Variants in IWS1 observed in about 807,000 individuals in gnomAD.
IWS1 encodes the protein interacts with SUPT6H, CTD assembly factor 1.
IWS1 carries 27 observed loss-of-function variants against 86.7 expected under a neutral mutation model. The observed-to-expected ratio is 0.31, with a 90% CI of 0.23 to 0.43. IWS1 has a LOEUF of 0.43. IWS1 is among the 20% of genes least tolerant of loss of function. IWS1 has a pLI of 1.00. For synonymous variants in IWS1, 313 were observed against 335.1 expected (o/e 0.93, Z 0.72); for missense variants, 827 against 1,000.8 (o/e 0.83, Z 2.34).
chr2:127,507,003 C>T (rs953534581), intron 2 of IWS1, among the ~76,000 whole-genome samples: 20 of 152,050 alleles, frequency 1.3e-4, no homozygotes, highest in African/African-American at 4.8e-4. Context: ...AAAGTATTTC[C>T]GTGTTTGAGT....
At position 127,489,777 on chromosome 2, in the gene IWS1, T is replaced by C; in HGVS notation, c.2159+55A>G. The C allele has an allele frequency of 1.0e-6, 1 of 972,248 alleles. No individual in the cohort carries two copies. Among genetic ancestry groups the C allele is most frequent in the Non-Finnish European group, 1.7e-6 (1 of 598,668 alleles). The allele number at this position is 972,248 out of a possible 1,614,324, so 60.2% of individuals were successfully genotyped here. On this transcript the variant is annotated intron_variant, in intron 11 of 13. Transcript: ENST00000295321. The surrounding 1 kb of genome is among the most constrained non-coding windows in gnomAD (Gnocchi z 4.8). Reference sequence around the variant, plus strand: ...GCTTCCTAATGATCTTACTTAAAACTGAGTTACTGCAACAATAACGTGTAT... The same window carrying C: ...GCTTCCTAATGATCTTACTTAAAACCGAGTTACTGCAACAATAACGTGTAT...
At chr2:127,506,805 GA>G in intron 2 of IWS1, 1 of 166,424 alleles carries the variant, frequency 6.0e-6, no homozygotes. Context: ...TAATTACTCT[GA>G]AAACATGCCC....
At chr2:127,487,554 C>T (rs979007931) in intron 12 of IWS1, among the ~76,000 whole-genome samples, 2 of 151,928 alleles carry the variant, frequency 1.3e-5, no homozygotes, top group Non-Finnish European at 2.9e-5. Context: ...TACAGTTTAC[C>T]CCATTTTTAA....
rs1165820998 is a variant in IWS1 at position 127,523,779 on chromosome 2, G to A, written c.47C>T (p.Ala16Val). The A allele has an allele frequency of 1.2e-6, 2 of 1,610,992 alleles. No individual in the cohort carries two copies. Among genetic ancestry groups the A allele is most frequent in the East Asian group, 2.2e-5 (1 of 44,824 alleles). Residue 16 changes from alanine to valine, a missense_variant, in exon 2 of 14, where the codon GCT becomes GTT. This residue lies in a region of IWS1 where 548 missense variants were observed against 560.2 expected (regional missense o/e 0.98). Coordinates refer to ENST00000295321, the MANE Select transcript of IWS1 (RefSeq NM_017969.3). ...YSGDQSDDGG[A>V]TPVQDERDSG... ...ATCCCGTTCATCCTGTACTGGGGTA[G>A]CACCACCATCATCTGATTAAAAACA...
At chr2:127,483,600 T>TGGGGGGGGGG (rs1558736829) in intron 13 of IWS1, among the ~76,000 whole-genome samples, 5 of 5,878 alleles carry the variant, frequency 8.5e-4, no homozygotes, top group African/African-American at 1.2e-3. Flanking sequence ...GTGGGGGGGT[T>TGGGGGGGGGG]GGGCTGTGTG....
chr2:127,515,212 A>T (rs1273325208), intron 2 of IWS1, among the ~76,000 whole-genome samples: 3 of 152,202 alleles, frequency 2.0e-5, no homozygotes. Context: ...CCAAGGGGTT[A>T]GTGGGAAATT....
intron 2 of IWS1, among the ~76,000 whole-genome samples, chr2:127,512,120 T>C (rs892367963): frequency 6.6e-6 from 1 of 152,232 alleles, no homozygotes; most frequent in Non-Finnish European, 1.5e-5. Context: ...ACTCCATTTT[T>C]TCCTGTGGGA....
chr2:127,525,404 T>C (rs1692346477), intron 1 of IWS1, among the ~76,000 whole-genome samples: 1 of 152,260 alleles, frequency 6.6e-6, no homozygotes, highest in Admixed American at 6.5e-5. Flanking sequence ...AGTTTTCTTT[T>C]TAATTTTCAA....
At chr2:127,514,250 T>C (rs1691639420) in intron 2 of IWS1, 1 of 154,300 alleles carries the variant, frequency 6.5e-6, no homozygotes, top group Non-Finnish European at 1.5e-5. Flanking sequence ...CGTCACTCAA[T>C]AAAACTCTTC....
intron 5 of IWS1, among the ~76,000 whole-genome samples, chr2:127,500,264 CAA>C (rs1358054595): frequency 6.6e-6 from 1 of 152,064 alleles, no homozygotes; most frequent in African/African-American, 2.4e-5. Context: ...TCGTAATTGC[CAA>C]AGAGGATTAT....
chr2:127,502,954 T>C, intron 4 of IWS1, 82 bp from the exon 5 acceptor site: 1 of 798,886 alleles, frequency 1.3e-6, no homozygotes, highest in Admixed American at 2.0e-5. Flanking sequence ...ATAGAATTTA[T>C]GTACAGTAAA....
At position 127,525,086 on chromosome 2, in the gene IWS1, G is replaced by T. The variant is rs187389492; in HGVS notation, c.34+1089C>A. ...AATTTTTGCATTTTTTTGTAGAGAC[G>T]AAGTAGGGGGGTGGGGTAGGGGCGT... On this transcript the variant is annotated intron_variant, in intron 1 of 13. Coordinates refer to ENST00000295321, the MANE Select transcript of IWS1 (RefSeq NM_017969.3). Among the ~76,000 whole-genome samples the T allele has an allele frequency of 7.3e-3, 926 of 126,346 alleles. 11 individuals carry two copies. The highest frequency in any genetic ancestry group is 0.025 in the African/African-American group (874 of 35,094). The allele number at this position is 126,346 out of a possible 152,430, so 82.9% of individuals were successfully genotyped here.
intron 13 of IWS1, among the ~76,000 whole-genome samples, chr2:127,485,008 GAAAAA>G: frequency 6.6e-6 from 1 of 151,178 alleles, no homozygotes; most frequent in African/African-American, 2.4e-5. Context: ...AAAAGAAAAA[GAAAAA>G]GAAAAAGAAA....
chr2:127,496,268 T>TA (rs1255938979), intron 6 of IWS1, 120 bp from the exon 7 acceptor site: 1 of 1,115,466 alleles, frequency 9.0e-7, no homozygotes, highest in African/African-American at 1.6e-5. Context: ...TACCTTCTTT[T>TA]AAAAGTGCAA....
chr2:127,515,418 G>A (rs1414973049), intron 2 of IWS1, among the ~76,000 whole-genome samples: 1 of 152,170 alleles, frequency 6.6e-6, no homozygotes, highest in Non-Finnish European at 1.5e-5. Flanking sequence ...CCACAGGCAG[G>A]ACCCGGAGGT....
In IWS1 at chr2:127,504,704, C is replaced by G. The variant is rs2104701469; in HGVS notation, c.1199G>C (p.Ser400Thr). ...AKRKAAVLSD[S>T]EDEEKASAKK... ...CTTACATGCTTTCTCTTCATCTTCA[C>G]TATCAGAAAGCACAGCAGCTTTTCT... Residue 400 changes from serine (S) to threonine (T), a missense_variant, in exon 3 of 14, where the codon AGT (serine) becomes ACT (threonine). Ser to Thr is a moderately conservative substitution (Grantham distance 58). Coordinates refer to ENST00000295321, the MANE Select transcript of IWS1 (RefSeq NM_017969.3). The G allele has an allele frequency of 6.2e-7, 1 of 1,604,646 alleles. No individual in the cohort carries two copies. Among genetic ancestry groups the G allele is most frequent in the Non-Finnish European group, 8.5e-7 (1 of 1,175,898 alleles).
At chr2:127,513,602 T>C (rs1691593078) in intron 2 of IWS1, among the ~76,000 whole-genome samples, 1 of 152,226 alleles carries the variant, frequency 6.6e-6, no homozygotes, top group East Asian at 1.9e-4. Context: ...TTTATTCACA[T>C]GAAAGGGTTC....
intron 10 of IWS1, among the ~76,000 whole-genome samples, chr2:127,491,747 T>C (rs954572430): frequency 1.3e-5 from 2 of 152,096 alleles, no homozygotes; most frequent in African/African-American, 4.8e-5. Flanking sequence ...CCCAGCCTCT[T>C]ACTTGCTATT....
chr2:127,496,469 A>G (rs904855976), intron 6 of IWS1, among the ~76,000 whole-genome samples: 9 of 151,492 alleles, frequency 5.9e-5, no homozygotes, highest in Non-Finnish European at 1.3e-4. Flanking sequence ...CTTCACATTC[A>G]CTCATCACTC....
Sources: allele counts gnomAD v4.1 joint callset (sites outside exome capture counted in the v4.1 genomes callset), GRCh38; gene constraint gnomAD v4.1.1; regional missense constraint gnomAD v4.1.1; non-coding constraint Gnocchi (gnomAD v3.1); transcripts MANE v1.5; gene names NCBI Gene and HGNC (gene_info 2026-07-23, HGNC 2026-07-21).